The following NUDT3 variants were observed in gnomAD, a reference collection of about 807,000 sequenced individuals.
NUDT3 encodes diphosphoinositol polyphosphate phosphohydrolase 1.
A neutral mutation model predicts 23.6 loss-of-function variants in NUDT3; 9 were observed. The observed-to-expected ratio is 0.38, with a 90% CI of 0.23 to 0.66. The LOEUF is 0.66. NUDT3 is among the 30% of genes least tolerant of loss of function. The pLI, the probability that NUDT3 is intolerant of heterozygous loss-of-function variation, is 0.52. For synonymous variants in NUDT3, 86 were observed against 82.6 expected (o/e 1.04, Z -0.22); for missense variants, 172 against 218.5 (o/e 0.79, Z 1.34).
At chr6:34,319,546 C>A (rs59403514) in intron 2 of NUDT3, among the ~76,000 whole-genome samples, 2,430 of 152,300 alleles carry the variant, frequency 0.016, 66 homozygotes, top group African/African-American at 0.056. Context: ...TCTCTAGGAA[C>A]CTCCACGTGT....
chr6:34,286,933 G>C lies in NUDT3; in HGVS notation c.*1820C>G, dbSNP rs1017669325. ...AGCCTCCCAAGTAGCTGGGATTACA[G>C]GCGCCCACCTAATTTCTGCATTTTT... is the stretch of plus-strand genomic sequence containing the variant. On this transcript the variant is annotated 3_prime_UTR_variant, in exon 5 of 5. Transcript: ENST00000607016. 3 of 151,784 alleles carry C rather than the reference G, an allele frequency of 2.0e-5. No homozygotes were observed. Among genetic ancestry groups the C allele is most frequent in the Non-Finnish European group, 4.4e-5 (3 of 68,008 alleles). 9.4% of individuals were successfully genotyped at this position (151,784 alleles called of 1,614,324 possible). A position where few individuals can be genotyped will look rare whatever the true frequency, so the allele number is the denominator to read the frequency against.
intron 4 of NUDT3, among the ~76,000 whole-genome samples, chr6:34,291,726 C>T (rs1763425818): frequency 6.6e-6 from 1 of 152,102 alleles, no homozygotes; most frequent in Admixed American, 6.5e-5. Context: ...TGGTCTCGAA[C>T]TCCTGACCTC....
intron 4 of NUDT3, among the ~76,000 whole-genome samples, chr6:34,292,056 T>C (rs943131234): frequency 6.6e-6 from 1 of 152,160 alleles, no homozygotes; most frequent in Non-Finnish European, 1.5e-5. Context: ...AGAGCAATGG[T>C]ACCTAAAAAA....
At chr6:34,326,063 A>G (rs1764023564) in intron 2 of NUDT3, among the ~76,000 whole-genome samples, 1 of 151,030 alleles carries the variant, frequency 6.6e-6, no homozygotes, top group Non-Finnish European at 1.5e-5. Flanking sequence ...TAGGCCATAC[A>G]TGTACATTGT....
intron 1 of NUDT3, among the ~76,000 whole-genome samples, chr6:34,346,751 AG>A (rs1764377524): frequency 6.6e-6 from 1 of 151,890 alleles, no homozygotes; most frequent in African/African-American, 2.4e-5. Flanking sequence ...AAAAAAAAAA[AG>A]TTTCTGTTTC....
At chr6:34,345,400 AC>A (rs1414926294) in intron 1 of NUDT3, among the ~76,000 whole-genome samples, 29 of 151,728 alleles carry the variant, frequency 1.9e-4, no homozygotes, top group African/African-American at 6.5e-4. Flanking sequence ...GTGGTAGCTC[AC>A]GGCTGTAATC....
In NUDT3 at chr6:34,351,224, A is replaced by AAAAAAC. The variant is rs1374203552; in HGVS notation, c.100-9253_100-9252insGTTTTT. The stretch of plus-strand genomic sequence containing the variant: ...AAAAAAAAAAAAAAAAAAAAAAAAA[A>AAAAAAC]AACACTTTGGGAGGCCAAGATGGGA... On this transcript the variant is annotated intron_variant, in intron 1 of 4. Transcript: ENST00000607016. Among the ~76,000 whole-genome samples the AAAAAAC allele has an allele frequency of 4.0e-4, 54 of 136,346 alleles. 6 individuals are homozygous for AAAAAAC. Among genetic ancestry groups the AAAAAAC allele is most frequent in the African/African-American group, 1.6e-3 (53 of 33,738 alleles). 89.4% of individuals were successfully genotyped at this position (136,346 alleles called of 152,430 possible). A position where few individuals can be genotyped will look rare whatever the true frequency, so the allele number is the denominator to read the frequency against.
chr6:34,339,935 C>A (rs569993195), intron 2 of NUDT3, among the ~76,000 whole-genome samples: 5 of 152,130 alleles, frequency 3.3e-5, no homozygotes, highest in Non-Finnish European at 7.4e-5. Context: ...AAATCCTAGA[C>A]GGTGACGGCT....
intron 2 of NUDT3, among the ~76,000 whole-genome samples, chr6:34,326,914 C>CG (rs1764040701): frequency 6.6e-6 from 1 of 151,956 alleles, no homozygotes; most frequent in South Asian, 2.1e-4. Flanking sequence ...CGGGGCTTGA[C>CG]GGGTGTTCTC....
intron 1 of NUDT3, among the ~76,000 whole-genome samples, chr6:34,344,507 G>C (rs1351717515): frequency 6.6e-6 from 1 of 152,190 alleles, no homozygotes; most frequent in African/African-American, 2.4e-5. Flanking sequence ...CAAATCCAGA[G>C]AAACAGAAAC....
intron 2 of NUDT3, among the ~76,000 whole-genome samples, chr6:34,324,086 G>A (rs1395569669): frequency 6.6e-6 from 1 of 152,158 alleles, no homozygotes; most frequent in African/African-American, 2.4e-5. Context: ...TGGGCGTGGT[G>A]GTTCATGCCT....
At chr6:34,297,159 C>T (rs1251821989) in intron 2 of NUDT3, among the ~76,000 whole-genome samples, 7 of 152,014 alleles carry the variant, frequency 4.6e-5, no homozygotes, top group Admixed American at 4.6e-4. Context: ...GTCTCGATCT[C>T]CTGACCTCGT....
chr6:34,342,502 T>C (rs1325051006), intron 1 of NUDT3, among the ~76,000 whole-genome samples: 3 of 152,120 alleles, frequency 2.0e-5, no homozygotes, highest in African/African-American at 7.2e-5. Context: ...CCCTAGACTC[T>C]AAGGGACCCT....
intron 1 of NUDT3, among the ~76,000 whole-genome samples, chr6:34,348,112 CAAAACA>C (rs1249729515): frequency 2.0e-5 from 3 of 151,548 alleles, no homozygotes; most frequent in Admixed American, 6.6e-5. Context: ...CCCGTCTCTA[CAAAACA>C]AAAACAAAAA....
rs1763336373 is a variant in NUDT3 at position 34,286,533 on chromosome 6, A to G, written c.*2220T>C. On this transcript the variant is annotated 3_prime_UTR_variant, in exon 5 of 5. Transcript: ENST00000607016. ...TTTATTTTGCCCTTTATTTATTTGA[A>G]CAGAACTTTAGAATGCTCTAGGTCA... 2.0e-5 allele frequency: 3 copies of G among 152,148 alleles called. No individual in the cohort carries two copies. The highest frequency in any genetic ancestry group is 7.2e-5 in the African/African-American group (3 of 41,436). The allele number at this position is 152,148 out of a possible 1,614,324, so 9.4% of individuals were successfully genotyped here. A position where few individuals can be genotyped will look rare whatever the true frequency, so the allele number is the denominator to read the frequency against.
At chr6:34,331,288 CTTTTTTT>C (rs537474751) in intron 2 of NUDT3, among the ~76,000 whole-genome samples, 41 of 138,732 alleles carry the variant, frequency 3.0e-4, no homozygotes, top group African/African-American at 1.0e-3. Flanking sequence ...TTCAAACTTT[CTTTTTTT>C]TTTTTTTTTC....
chr6:34,341,263 A>T (rs570899662), intron 2 of NUDT3, among the ~76,000 whole-genome samples: 21 of 152,270 alleles, frequency 1.4e-4, no homozygotes, highest in African/African-American at 5.1e-4. Flanking sequence ...AATTCTTGAA[A>T]TAAGAGAACT....
intron 1 of NUDT3, among the ~76,000 whole-genome samples, 191 bp downstream of exon 1, chr6:34,392,073 A>C (rs1765212502): frequency 6.6e-6 from 1 of 151,796 alleles, no homozygotes; most frequent in African/African-American, 2.4e-5. Context: ...CCGCACTCAA[A>C]CCCGCTTCCC....
intron 2 of NUDT3, among the ~76,000 whole-genome samples, chr6:34,333,476 C>A (rs1195623983): frequency 2.0e-5 from 3 of 152,146 alleles, no homozygotes; most frequent in Non-Finnish European, 4.4e-5. Flanking sequence ...ATAACCACTG[C>A]AAACATTTTG....
Sources: allele counts gnomAD v4.1 joint callset (sites outside exome capture counted in the v4.1 genomes callset), GRCh38; gene constraint gnomAD v4.1.1; transcripts MANE v1.5; gene names NCBI Gene and HGNC (gene_info 2026-07-23, HGNC 2026-07-21).